The following KIAA1549L variants were observed in gnomAD, a reference collection of about 807,000 sequenced individuals.
KIAA1549L encodes the protein KIAA1549 like.
Under a neutral mutation model 160.7 loss-of-function variants are expected in KIAA1549L, and 88 were observed. The ratio of observed to expected loss-of-function variants is 0.55; its 90% CI spans 0.46 to 0.65. The LOEUF (loss-of-function observed/expected upper bound fraction) is 0.65, where lower values mean the gene tolerates loss of function less well. Among genes scored for constraint, KIAA1549L ranks in the 30% least tolerant of loss-of-function variants. The pLI, the probability that KIAA1549L is intolerant of heterozygous loss-of-function variation, is 0.00. For synonymous variants in KIAA1549L, 950 were observed against 976.7 expected, an observed-to-expected ratio of 0.97 and a Z score of 0.51; for missense variants, 2,258 against 2,437.5, an observed-to-expected ratio of 0.93 and a Z score of 1.55.
At chr11:33,438,187 T>A (rs979923634) in intron 1 of KIAA1549L, among the ~76,000 whole-genome samples, 4 of 152,360 alleles carry the variant, frequency 2.6e-5, no homozygotes, top group African/African-American at 9.6e-5. Context: ...ATCAAATTCC[T>A]GGTCATTTCT....
chr11:33,406,265 C>T (rs774085065), intron 1 of KIAA1549L, among the ~76,000 whole-genome samples: 2 of 152,192 alleles, frequency 1.3e-5, no homozygotes, highest in East Asian at 3.8e-4. Context: ...CCAACACACC[C>T]GCTGTTTGCA....
intron 1 of KIAA1549L, among the ~76,000 whole-genome samples, chr11:33,489,853 G>A (rs1300007047): frequency 5.3e-5 from 8 of 152,300 alleles, no homozygotes; most frequent in Middle Eastern, 3.4e-3. Flanking sequence ...AGAGTCCACT[G>A]CAACAGTTAA....
intron 13 of KIAA1549L, among the ~76,000 whole-genome samples, chr11:33,601,399 A>G (rs547803500): frequency 6.6e-6 from 1 of 152,344 alleles, no homozygotes; most frequent in South Asian, 2.1e-4. Flanking sequence ...GTTCCATTTT[A>G]TCATAATCCT....
intron 1 of KIAA1549L, among the ~76,000 whole-genome samples, chr11:33,407,242 G>T (rs534955413): frequency 6.6e-6 from 1 of 150,546 alleles, no homozygotes; most frequent in Non-Finnish European, 1.5e-5. Flanking sequence ...CTGCCACCAC[G>T]CCCGGCTAAT....
intron 1 of KIAA1549L, among the ~76,000 whole-genome samples, chr11:33,417,374 G>A (rs1446544028): frequency 2.0e-5 from 3 of 152,126 alleles, no homozygotes; most frequent in African/African-American, 7.2e-5. Flanking sequence ...TAGCCTCACT[G>A]TAGGCGCTGC....
intron 1 of KIAA1549L, among the ~76,000 whole-genome samples, chr11:33,491,964 G>A (rs1852675586): frequency 6.6e-6 from 1 of 152,208 alleles, no homozygotes; most frequent in African/African-American, 2.4e-5. Flanking sequence ...GTGAGGTGGA[G>A]GATATAGAGT....
chr11:33,587,707 C>G (rs1849923479), intron 11 of KIAA1549L, among the ~76,000 whole-genome samples: 1 of 152,212 alleles, frequency 6.6e-6, no homozygotes, highest in African/African-American at 2.4e-5. Flanking sequence ...ACCCAATCAC[C>G]TGAAGTATCC....
intron 1 of KIAA1549L, among the ~76,000 whole-genome samples, chr11:33,407,136 G>C (rs1051380707): frequency 1.4e-5 from 2 of 142,564 alleles, no homozygotes; most frequent in African/African-American, 2.6e-5. Context: ...CCAGGCTGGA[G>C]TGCAGTGGCG....
chr11:33,528,564 T>C (rs541702174), intron 1 of KIAA1549L, among the ~76,000 whole-genome samples: 1 of 152,328 alleles, frequency 6.6e-6, no homozygotes, highest in East Asian at 1.9e-4. Flanking sequence ...CTACAAAGTA[T>C]GGAACCAGCC....
intron 13 of KIAA1549L, among the ~76,000 whole-genome samples, chr11:33,606,412 C>T (rs1437321305): frequency 6.6e-6 from 1 of 152,184 alleles, no homozygotes; most frequent in African/African-American, 2.4e-5. Flanking sequence ...CAAACCTCTA[C>T]AGTTCTTTCC....
intron 1 of KIAA1549L, among the ~76,000 whole-genome samples, chr11:33,432,938 A>G (rs1290960641): frequency 6.6e-6 from 1 of 152,254 alleles, no homozygotes; most frequent in Admixed American, 6.5e-5. Context: ...TTAACTCAAG[A>G]TGGATTAAAC....
chr11:33,553,249 C>T (rs555843557), intron 6 of KIAA1549L, among the ~76,000 whole-genome samples: 55 of 151,828 alleles, frequency 3.6e-4, no homozygotes, highest in African/African-American at 6.0e-4. Context: ...ATTCTCCCTT[C>T]GCGGCCTCCC....
rs112840219 is a variant in KIAA1549L, at chr11:33,654,367, G to T, written c.5761-1645G>T. Among the ~76,000 whole-genome samples, 734 of 152,308 alleles carry T rather than the reference G, an allele frequency of 4.8e-3. 3 individuals carry two copies. The highest frequency in any genetic ancestry group is 8.2e-3 in the Non-Finnish European group (559 of 68,026). Reference sequence around the variant, plus strand: ...TAAAGTCCTTAAAGGTCTGAATCTTGTTTGTTTTTTCTACTCTTTTTAACT... The same window carrying T: ...TAAAGTCCTTAAAGGTCTGAATCTTTTTTGTTTTTTCTACTCTTTTTAACT... On this transcript the variant is annotated intron_variant, in intron 17 of 20. Transcript: ENST00000658780.
At chr11:33,627,213 A>T (rs1851141597) in intron 16 of KIAA1549L, among the ~76,000 whole-genome samples, 1 of 138,890 alleles carries the variant, frequency 7.2e-6, no homozygotes, top group Non-Finnish European at 1.5e-5. Context: ...TTGGTCTAAA[A>T]TTCTCTTTTT....
At chr11:33,644,760 C>G (rs1851671739) in intron 16 of KIAA1549L, among the ~76,000 whole-genome samples, 1 of 152,272 alleles carries the variant, frequency 6.6e-6, no homozygotes, top group Non-Finnish European at 1.5e-5. Flanking sequence ...CGCCACAAGG[C>G]AGCAGCCTCC....
chr11:33,657,897 C>G (rs1327655525), intron 18 of KIAA1549L, among the ~76,000 whole-genome samples: 1 of 152,238 alleles, frequency 6.6e-6, no homozygotes, highest in Non-Finnish European at 1.5e-5. Flanking sequence ...TCTGTGACAG[C>G]CACTGCTTAG....
At chr11:33,577,535 C>G (rs1019393520) in intron 10 of KIAA1549L, among the ~76,000 whole-genome samples, 1 of 152,130 alleles carries the variant, frequency 6.6e-6, no homozygotes, top group African/African-American at 2.4e-5. Flanking sequence ...ACAGCTGGTC[C>G]TTTCTAATGA....
chr11:33,468,854 T>C (rs138339735), intron 1 of KIAA1549L, among the ~76,000 whole-genome samples: 1 of 152,318 alleles, frequency 6.6e-6, no homozygotes, highest in Non-Finnish European at 1.5e-5. Context: ...ACTGAGCTTA[T>C]TATTTTTTTT....
intron 13 of KIAA1549L, among the ~76,000 whole-genome samples, chr11:33,601,189 C>T (rs1331266653): frequency 5.9e-5 from 9 of 152,150 alleles, no homozygotes; most frequent in Admixed American, 4.6e-4. Flanking sequence ...CTTGGTTGCA[C>T]TTTATTTTTG....
Sources: allele counts gnomAD v4.1 joint callset (sites outside exome capture counted in the v4.1 genomes callset), GRCh38; gene constraint gnomAD v4.1.1; transcripts MANE v1.5; gene names NCBI Gene and HGNC (gene_info 2026-07-23, HGNC 2026-07-21).